DENND4A: variants seen among roughly 807,000 people sequenced by gnomAD.
DENND4A encodes the protein DENN domain containing 4A.
Under a neutral mutation model 199.3 loss-of-function variants are expected in DENND4A, and 70 were observed. That is an observed-to-expected ratio of 0.35 (90% CI 0.29 to 0.43). DENND4A has a LOEUF of 0.43. Ranked by LOEUF, DENND4A falls within the 20% of genes least tolerant of loss-of-function variation. The pLI, the probability that DENND4A is intolerant of heterozygous loss-of-function variation, is 1.00. For missense variants in DENND4A, 1,723 were observed against 2,255.8 expected (o/e 0.76, Z 4.78); for synonymous variants, 686 against 766.9 (o/e 0.89, Z 1.74).
intron 11 of DENND4A, among the ~76,000 whole-genome samples, chr15:65,723,475 T>C (rs1567046670): frequency 6.6e-6 from 1 of 152,104 alleles, no homozygotes; most frequent in Non-Finnish European, 1.5e-5. Context: ...AAAAAAGAAA[T>C]AACCTATTAT....
chr15:65,682,666 C>A (rs1464709031), intron 23 of DENND4A, among the ~76,000 whole-genome samples: 2 of 152,182 alleles, frequency 1.3e-5, no homozygotes, highest in Admixed American at 6.5e-5. Context: ...TGCAGGAGAC[C>A]TCACTTTCGG....
intron 13 of DENND4A, among the ~76,000 whole-genome samples, chr15:65,716,892 T>G (rs2075424459): frequency 6.6e-6 from 1 of 152,058 alleles, no homozygotes; most frequent in Non-Finnish European, 1.5e-5. Context: ...TTTCTCCACA[T>G]CCTCTCCAGC....
chr15:65,739,048 T>C (rs2076183387), intron 5 of DENND4A, among the ~76,000 whole-genome samples, 173 bp from the exon 6 acceptor site: 1 of 152,210 alleles, frequency 6.6e-6, no homozygotes, highest in Non-Finnish European at 1.5e-5. Flanking sequence ...TTTTAATCCT[T>C]GAACATTACA....
At chr15:65,774,456 C>G (rs1363116278) in intron 1 of DENND4A, among the ~76,000 whole-genome samples, 1 of 152,162 alleles carries the variant, frequency 6.6e-6, no homozygotes. Context: ...AGCCACTGCA[C>G]TCCAGCCTGG....
chr15:65,754,152 G>A (rs1215049485), intron 3 of DENND4A, among the ~76,000 whole-genome samples: 2 of 151,722 alleles, frequency 1.3e-5, no homozygotes, highest in African/African-American at 4.8e-5. Context: ...TCTAATATAA[G>A]TTTTAATTTC....
chr15:65,710,726 A>C (rs759725877), intron 14 of DENND4A, among the ~76,000 whole-genome samples: 4 of 152,234 alleles, frequency 2.6e-5, no homozygotes, highest in Non-Finnish European at 5.9e-5. Flanking sequence ...CTTATGTTGA[A>C]ATGTAATCCC....
chr15:65,767,895 T>C (rs1388887707), intron 1 of DENND4A, among the ~76,000 whole-genome samples: 1 of 152,054 alleles, frequency 6.6e-6, no homozygotes, highest in Non-Finnish European at 1.5e-5. Flanking sequence ...AGACGAGAGA[T>C]AAAGGAGAAT....
chr15:65,670,194 G>A lies in DENND4A; in HGVS notation c.4465-6C>T, dbSNP rs1448617689. On this transcript the variant is annotated splice_polypyrimidine_tract_variant and splice_region_variant and intron_variant, in intron 25 of 32. Coordinates refer to ENST00000443035, the MANE Select transcript of DENND4A (RefSeq NM_001320835.1). ...GAGCAACTTGAGATGAGAACCTGTG[G>A]GAGAAGATAGCACTTTATAAAGAAA... 2.7e-6 allele frequency: 4 copies of A among 1,497,600 alleles called. No individual in the cohort carries two copies. The highest frequency in any genetic ancestry group is 2.3e-5 in the East Asian group (1 of 42,834). 92.8% of individuals were successfully genotyped at this position (1,497,600 alleles called of 1,614,324 possible). A position where few individuals can be genotyped will look rare whatever the true frequency, so the allele number is the denominator to read the frequency against.
chr15:65,740,986 A>G (rs926914869), intron 5 of DENND4A, among the ~76,000 whole-genome samples: 3 of 152,104 alleles, frequency 2.0e-5, no homozygotes, highest in Non-Finnish European at 4.4e-5. Context: ...TCAAATGTAA[A>G]AGAGAAACTT....
chr15:65,662,224 C>G (rs952522009), intron 32 of DENND4A, among the ~76,000 whole-genome samples: 1 of 152,182 alleles, frequency 6.6e-6, no homozygotes, highest in Admixed American at 6.5e-5. Context: ...AAATACCACA[C>G]ACACTTTTTT....
At chr15:65,772,583 T>C (rs1042310908) in intron 1 of DENND4A, among the ~76,000 whole-genome samples, 1 of 151,710 alleles carries the variant, frequency 6.6e-6, no homozygotes, top group African/African-American at 2.4e-5. Flanking sequence ...GGCACCCGCC[T>C]GTAATCCCAG....
chr15:65,735,315 T>C (rs961780105), intron 7 of DENND4A, among the ~76,000 whole-genome samples: 4 of 150,494 alleles, frequency 2.7e-5, no homozygotes, highest in African/African-American at 9.8e-5. Context: ...GAGGCAGAGG[T>C]TGCAGTGAGC....
At chr15:65,782,094 CA>C (rs572779020) in intron 1 of DENND4A, among the ~76,000 whole-genome samples, 39 of 152,206 alleles carry the variant, frequency 2.6e-4, no homozygotes, top group Admixed American at 4.6e-4. Context: ...TCTATTTTCT[CA>C]TCTGCAAAAC....
At chr15:65,777,109 A>T (rs2572214) in intron 1 of DENND4A, among the ~76,000 whole-genome samples, 30,096 of 152,014 alleles carry the variant, frequency 0.2, 4,011 homozygotes, top group East Asian at 0.73. Flanking sequence ...CGGAGGATGC[A>T]GTGAGCTGAG....
At chr15:65,775,493 T>C (rs1441031861) in intron 1 of DENND4A, among the ~76,000 whole-genome samples, 1 of 151,480 alleles carries the variant, frequency 6.6e-6, no homozygotes, top group East Asian at 1.9e-4. Context: ...ATACAAAAAT[T>C]AGCCGGGTGT....
At position 65,720,572 on chromosome 15, in the gene DENND4A, C is replaced by T. The variant is rs552343031; in HGVS notation, c.1588+2276G>A. ...GACAACAAGCGTGCACCACCACATC[C>T]GGGTAATTTTTGTATTTTTAGTAGA... On this transcript the variant is annotated intron_variant, in intron 12 of 32. Transcript: ENST00000443035. Among the ~76,000 whole-genome samples the T allele has an allele frequency of 5.1e-4, 77 of 151,958 alleles. 1 individual carries two copies. The South Asian group carries it at 0.015, about 29-fold the overall frequency.
chr15:65,771,351 C>A, intron 1 of DENND4A: 3 of 1,590,964 alleles, frequency 1.9e-6, no homozygotes, highest in South Asian at 1.1e-5. Context: ...TAATCTTCCT[C>A]CACACTCTTT....
rs114207101 is a variant in DENND4A, at chr15:65,748,554, G to A, written c.561+3825C>T. ...GAATCACGTTAGCCCAGGAGTTTGA[G>A]GCTACAAAGAGCTATGATCATGCTA... On this transcript the variant is annotated intron_variant, in intron 4 of 32. Coordinates refer to ENST00000443035, the MANE Select transcript of DENND4A (RefSeq NM_001320835.1). 5.1e-3 allele frequency among the ~76,000 whole-genome samples: 772 copies of A among 151,358 alleles called. 10 individuals are homozygous for A. The highest frequency in any genetic ancestry group is 0.018 in the African/African-American group (725 of 41,268).
At chr15:65,739,745 A>T (rs900884856) in intron 5 of DENND4A, among the ~76,000 whole-genome samples, 4 of 152,230 alleles carry the variant, frequency 2.6e-5, no homozygotes, top group African/African-American at 9.6e-5. Context: ...TGAAGTAGAT[A>T]AACTAAGGTC....
Sources: allele counts gnomAD v4.1 joint callset (sites outside exome capture counted in the v4.1 genomes callset), GRCh38; gene constraint gnomAD v4.1.1; transcripts MANE v1.5; gene names NCBI Gene and HGNC (gene_info 2026-07-23, HGNC 2026-07-21).